Variants in C20orf96 observed in about 807,000 individuals in gnomAD.
The protein encoded by C20orf96 is uncharacterized protein C20orf96.
C20orf96 carries 57 observed loss-of-function variants against 52.6 expected under a neutral mutation model. The observed-to-expected ratio is 1.08, with a 90% CI of 0.88 to 1.35. The LOEUF (loss-of-function observed/expected upper bound fraction) is 1.35. C20orf96 is among the 40% of genes most tolerant of loss of function. The pLI is 0.00. For synonymous variants in C20orf96, 168 were observed against 157.2 expected, an observed-to-expected ratio of 1.07 and a Z score of -0.51; for missense variants, 478 against 443.6, an observed-to-expected ratio of 1.08 and a Z score of -0.70.
chr20:286,092 A>C (rs909879295), intron 3 of C20orf96, among the ~76,000 whole-genome samples: 1 of 152,240 alleles, frequency 6.6e-6, no homozygotes, highest in African/African-American at 2.4e-5. Flanking sequence ...GTTGAATTTA[A>C]ATGCTTAAGG....
chr20:278,702 A>G (rs1395139211), intron 5 of C20orf96, among the ~76,000 whole-genome samples: 1 of 149,956 alleles, frequency 6.7e-6, no homozygotes, highest in East Asian at 2.0e-4. Flanking sequence ...TGCCCGGTGA[A>G]CCCCCTCTGG....
At chr20:279,097 A>AGGGC (rs1280966392) in intron 5 of C20orf96, 75 bp downstream of exon 5, 26 of 745,048 alleles carry the variant, frequency 3.5e-5, no homozygotes, top group African/African-American at 2.3e-4. Flanking sequence ...GGCGGGACGG[A>AGGGC]GGGACGGAGG....
At chr20:283,937 G>T in intron 4 of C20orf96, 26 bp downstream of exon 4, 1 of 1,500,486 alleles carries the variant, frequency 6.7e-7, no homozygotes. Context: ...CCTGGGCCCA[G>T]TGTCCAGGGA....
intron 4 of C20orf96, among the ~76,000 whole-genome samples, chr20:283,040 T>C (rs1209252582): frequency 1.3e-5 from 2 of 152,236 alleles, no homozygotes; most frequent in African/African-American, 4.8e-5. Context: ...CATTGAGCTA[T>C]TAAAAATTTT....
chr20:274,635 C>G (rs748387290), intron 10 of C20orf96, among the ~76,000 whole-genome samples: 1 of 151,988 alleles, frequency 6.6e-6, no homozygotes, highest in Non-Finnish European at 1.5e-5. Flanking sequence ...TTACGTCCCC[C>G]GGAGACCCTG....
chr20:289,105 C>T (rs1041416876), intron 3 of C20orf96, among the ~76,000 whole-genome samples: 1 of 152,258 alleles, frequency 6.6e-6, no homozygotes, highest in Middle Eastern at 3.4e-3. Flanking sequence ...GACTACATTT[C>T]CCACCTTCCC....
chr20:277,425 A>G (rs760276017), intron 6 of C20orf96, 42 bp from the exon 7 acceptor site: 3 of 1,605,688 alleles, frequency 1.9e-6, no homozygotes, highest in African/African-American at 2.7e-5. Context: ...AGGAGGCAAG[A>G]CCTTCCCTCA....
intron 3 of C20orf96, among the ~76,000 whole-genome samples, chr20:288,930 G>T (rs1166046583): frequency 6.6e-6 from 1 of 152,190 alleles, no homozygotes; most frequent in Non-Finnish European, 1.5e-5. Context: ...AGAGATGAAT[G>T]ATTTTTCCAA....
At chr20:272,361 T>TTTTTG (rs145838165) in intron 10 of C20orf96, among the ~76,000 whole-genome samples, 181 of 152,028 alleles carry the variant, frequency 1.2e-3, no homozygotes, top group African/African-American at 2.8e-3. Context: ...AACTGTATGG[T>TTTTTG]TTTTGTTTTG....
At position 271,284 on chromosome 20, in the gene C20orf96, C is replaced by T. The variant is rs996012770; in HGVS notation, c.1032-17G>A. The T allele has an allele frequency of 7.8e-6, 12 of 1,547,774 alleles. No homozygotes were observed. The highest frequency in any genetic ancestry group is 8.7e-6 in the Non-Finnish European group (10 of 1,145,180). ...GGGGTGCACCTGGTGGGAGGCAGCACAGAAGGCCATGAGAGACCAGAGGTG... is the reference window on the plus strand; with the variant it reads ...GGGGTGCACCTGGTGGGAGGCAGCATAGAAGGCCATGAGAGACCAGAGGTG... On this transcript the variant is annotated splice_polypyrimidine_tract_variant and intron_variant, in intron 10 of 10. Transcript: ENST00000360321.
intron 3 of C20orf96, among the ~76,000 whole-genome samples, chr20:287,908 CAAAAAAAAAAAAA>C (rs71327437): frequency 1.6e-5 from 1 of 63,088 alleles, no homozygotes; most frequent in African/African-American, 5.7e-5. Context: ...GACTCCTTCT[CAAAAAAAAAAAAA>C]AAAAAAAAAG....
chr20:287,828 G>A (rs1423653067), intron 3 of C20orf96, among the ~76,000 whole-genome samples: 1 of 145,128 alleles, frequency 6.9e-6, no homozygotes, highest in Non-Finnish European at 1.5e-5. Context: ...AGAATCGCTT[G>A]AACCCGGGAG....
chr20:284,023 T>A lies in C20orf96; in HGVS notation c.246A>T (p.Glu82Asp). The part of the protein sequence containing the change: ...VTSCQPKNPR[E>D]LHRRRKLDPG... ...GGTCCAACTTCCGCCTTCTATGTAG[T>A]TCTCTTGGATTCTTCGGCTGGCAGC... Residue 82 changes from glutamate (E) to aspartate (D), a missense_variant, in exon 4 of 11, where the codon GAA (glutamate) becomes GAT (aspartate). Coordinates refer to ENST00000360321, the MANE Select transcript of C20orf96 (RefSeq NM_153269.3). The A allele has an allele frequency of 7.4e-6, 12 of 1,614,190 alleles. No individual in the cohort carries two copies. Among genetic ancestry groups the A allele is most frequent in the Non-Finnish European group, 9.3e-6 (11 of 1,180,016 alleles).
At chr20:289,483 G>T in intron 3 of C20orf96, 76 bp downstream of exon 3, 1 of 877,522 alleles carries the variant, frequency 1.1e-6, no homozygotes, top group South Asian at 1.3e-5. Flanking sequence ...AATATAAGTG[G>T]TGTCACCAAG....
intron 4 of C20orf96, among the ~76,000 whole-genome samples, chr20:282,396 T>C (rs1436709311): frequency 6.6e-6 from 1 of 152,186 alleles, no homozygotes; most frequent in African/African-American, 2.4e-5. Context: ...ATACTCAGAA[T>C]AGAACCTGGC....
intron 3 of C20orf96, among the ~76,000 whole-genome samples, chr20:288,146 G>A (rs1198136042): frequency 2.8e-5 from 2 of 71,672 alleles, no homozygotes. Context: ...TATATTCGTT[G>A]TTAAATCATT....
chr20:283,493 G>A lies in C20orf96; in HGVS notation c.306+470C>T, dbSNP rs181757537. 3.3e-3 allele frequency among the ~76,000 whole-genome samples: 507 copies of A among 152,128 alleles called. 1 individual carries two copies. Among genetic ancestry groups the A allele is most frequent in the African/African-American group, 0.011 (466 of 41,486 alleles). ...TAATTTTTGTAGTTTGAGTAGAAACGGGGTTTCACCACGTTGGCCAGGCTG... is the reference window on the plus strand; with the variant it reads ...TAATTTTTGTAGTTTGAGTAGAAACAGGGTTTCACCACGTTGGCCAGGCTG... On this transcript the variant is annotated intron_variant, in intron 4 of 10. Transcript: ENST00000360321.
At chr20:283,569 G>A (rs973572747) in intron 4 of C20orf96, among the ~76,000 whole-genome samples, 1 of 152,070 alleles carries the variant, frequency 6.6e-6, no homozygotes, top group Non-Finnish European at 1.5e-5. Context: ...CTCCCAAAGT[G>A]CTGGGATTAT....
Position 278,354 on chromosome 20 carries a change from C to T in C20orf96, c.541G>A (p.Glu181Lys). Residue 181 changes from glutamate (E) to lysine (K), a missense_variant, in exon 6 of 11, where the codon GAA becomes AAA. Glu to Lys is a moderately conservative substitution (Grantham distance 56, BLOSUM62 1). Coordinates refer to ENST00000360321, the MANE Select transcript of C20orf96 (RefSeq NM_153269.3). ...CAGCTCATCTTGCATTTCTTCTTTT[C>T]TTCCCACTCCTGAAGCTCAGATTTC... Reference protein sequence around the residue: ...QLKSELQEWEEKKKCKMSYLE... With the variant: ...QLKSELQEWEKKKKCKMSYLE... 3 of 1,613,968 alleles carry T rather than the reference C, an allele frequency of 1.9e-6. No individual in the cohort carries two copies. The highest frequency in any genetic ancestry group is 2.5e-6 in the Non-Finnish European group (3 of 1,179,870).
Sources: allele counts gnomAD v4.1 joint callset (sites outside exome capture counted in the v4.1 genomes callset), GRCh38; gene constraint gnomAD v4.1.1; transcripts MANE v1.5; gene names NCBI Gene and HGNC (gene_info 2026-07-23, HGNC 2026-07-21).